Variants in ALCAM observed in about 807,000 individuals in gnomAD.
ALCAM encodes the protein CD166 antigen.
In ALCAM, 30 loss-of-function variants were observed where a neutral mutation model predicts 70.9. The ratio of observed to expected loss-of-function variants is 0.42; its 90% CI spans 0.32 to 0.57. ALCAM has a LOEUF of 0.57. Among genes scored for constraint, ALCAM ranks in the 20% least tolerant of loss-of-function variants. ALCAM has a pLI of 0.11. For missense variants in ALCAM, 591 were observed against 695.1 expected (o/e 0.85, Z 1.68); for synonymous variants, 249 against 242.5 (o/e 1.03, Z -0.25).
At chr3:105,493,198 T>A (rs1212601569) in intron 1 of ALCAM, among the ~76,000 whole-genome samples, 1 of 152,172 alleles carries the variant, frequency 6.6e-6, no homozygotes, top group East Asian at 1.9e-4. Flanking sequence ...TAATTTGGTC[T>A]CTCAGTTCTC....
chr3:105,374,574 T>C (rs765796526), intron 1 of ALCAM, among the ~76,000 whole-genome samples: 6 of 152,158 alleles, frequency 3.9e-5, no homozygotes, highest in Non-Finnish European at 8.8e-5. Flanking sequence ...TGGAGTGCAA[T>C]GGTGCGATCT....
chr3:105,547,414 A>G lies in ALCAM; in HGVS notation c.1265A>G (p.Lys422Arg), dbSNP rs201673305. 60 of 1,607,008 alleles carry G rather than the reference A, an allele frequency of 3.7e-5. No individual in the cohort carries two copies. Among genetic ancestry groups the G allele is most frequent in the Non-Finnish European group, 4.3e-5 (51 of 1,176,786 alleles). ...VEGKPQIKMTKKTDPSGLSKT... is the reference protein window; with the variant it reads ...VEGKPQIKMTRKTDPSGLSKT... Reference sequence around the variant, plus strand: ...GGCAAACCTCAAATAAAAATGACAAAGAAAACTGATCCCAGTGGACTATCT... The same window carrying G: ...GGCAAACCTCAAATAAAAATGACAAGGAAAACTGATCCCAGTGGACTATCT... The change falls in exon 11 of 16, where the codon AAG becomes AGG. Residue 422 changes from lysine (K) to arginine (R), a missense_variant. Transcript: ENST00000306107.
intron 1 of ALCAM, among the ~76,000 whole-genome samples, chr3:105,389,032 T>G (rs36183395): frequency 6.6e-6 from 1 of 151,552 alleles, no homozygotes; most frequent in Non-Finnish European, 1.5e-5. Context: ...CTTTGTTGAA[T>G]GAACAAAGTG....
At position 105,547,185 on chromosome 3, in the gene ALCAM, A is replaced by C; in HGVS notation, c.1141A>C (p.Ser381Arg). The C allele has an allele frequency of 6.2e-7, 1 of 1,604,796 alleles. No homozygotes were observed. The highest frequency in any genetic ancestry group is 8.5e-7 in the Non-Finnish European group (1 of 1,175,898). Residue 381 changes from serine (S) to arginine (R), a missense_variant, in exon 10 of 16, where the codon AGT becomes CGT. By Grantham distance (110) the Ser-to-Arg change is moderately radical. This residue lies in a region of ALCAM where 164 missense variants were observed against 244.7 expected (regional missense o/e 0.67). Transcript: ENST00000306107. Reference protein sequence around the residue: ...IRLRSSPSFSSLHYQDAGNYV... With the variant: ...IRLRSSPSFSRLHYQDAGNYV... ...GCTTCGATCTAGCCCGTCATTTTCT[A>C]GTCTTCATTATCAGGATGCTGGAAA...
chr3:105,562,986 A>T (rs1465885974), intron 14 of ALCAM, among the ~76,000 whole-genome samples: 1 of 151,974 alleles, frequency 6.6e-6, no homozygotes, highest in African/African-American at 2.4e-5. Flanking sequence ...TTGTATTTTT[A>T]GTAGAGACGG....
At chr3:105,504,579 T>TGCCTGCCG (rs1939014918) in intron 1 of ALCAM, among the ~76,000 whole-genome samples, 1 of 151,944 alleles carries the variant, frequency 6.6e-6, no homozygotes, top group African/African-American at 2.4e-5. Context: ...GCCCACGGCC[T>TGCCTGCCG]GCCGGCCTGC....
chr3:105,383,998 C>G (rs1935589515), intron 1 of ALCAM, among the ~76,000 whole-genome samples: 1 of 151,602 alleles, frequency 6.6e-6, no homozygotes, highest in Non-Finnish European at 1.5e-5. Context: ...ATTGATCAGT[C>G]ACGCAGGCAG....
chr3:105,540,158 C>T (rs1940079345), intron 7 of ALCAM, 56 bp downstream of exon 7: 11 of 1,548,312 alleles, frequency 7.1e-6, no homozygotes, highest in Non-Finnish European at 9.8e-6. Context: ...TGTTGTTTGA[C>T]TTCTACATGG....
chr3:105,371,489 A>G (rs1057301281), intron 1 of ALCAM, among the ~76,000 whole-genome samples: 1 of 150,446 alleles, frequency 6.6e-6, no homozygotes, highest in Non-Finnish European at 1.5e-5. Context: ...CACTTTTATC[A>G]TTTTATTAAA....
Position 105,502,246 on chromosome 3 carries a change from A to G in ALCAM, c.74-17821A>G, listed in dbSNP as rs193218232. ...AAGGTCACAATGAGGTTAAGATGAA[A>G]CAAGAAACTTGTTTTCTCTAGTCTC... On this transcript the variant is annotated intron_variant, in intron 1 of 15. Transcript: ENST00000306107. Among the ~76,000 whole-genome samples, 6 of 152,330 alleles carry G rather than the reference A, an allele frequency of 3.9e-5. No individual in the cohort carries two copies. The East Asian group carries it at 1.2e-3, about 29-fold the overall frequency.
At position 105,468,149 on chromosome 3, in the gene ALCAM, G is replaced by A. The variant is rs572063332; in HGVS notation, c.74-51918G>A. On this transcript the variant is annotated intron_variant, in intron 1 of 15. Coordinates refer to ENST00000306107, the MANE Select transcript of ALCAM (RefSeq NM_001627.4). ...GGAGCGTCTGATTCAGACTAAACAT[G>A]TACCTGCAAATTAGTCAAGAAATAA... 1.1e-4 allele frequency among the ~76,000 whole-genome samples: 17 copies of A among 151,412 alleles called. No homozygotes were observed. The South Asian group carries it at 3.3e-3, about 30-fold the overall frequency.
At chr3:105,515,064 CAT>C (rs1424212993) in intron 1 of ALCAM, among the ~76,000 whole-genome samples, 2 of 151,834 alleles carry the variant, frequency 1.3e-5, no homozygotes, top group Non-Finnish European at 2.9e-5. Flanking sequence ...CACACACACA[CAT>C]GCACAAATGC....
chr3:105,511,319 A>T (rs773649899), intron 1 of ALCAM, among the ~76,000 whole-genome samples: 1 of 152,018 alleles, frequency 6.6e-6, no homozygotes, highest in African/African-American at 2.4e-5. Flanking sequence ...CAGATAGCAG[A>T]TTATACTGAT....
intron 1 of ALCAM, among the ~76,000 whole-genome samples, chr3:105,409,547 G>A (rs1049716634): frequency 6.6e-6 from 1 of 152,054 alleles, no homozygotes; most frequent in African/African-American, 2.4e-5. Context: ...GGACTTTGGT[G>A]ACTCAGGAGA....
At chr3:105,506,555 G>T (rs977722908) in intron 1 of ALCAM, among the ~76,000 whole-genome samples, 10 of 152,118 alleles carry the variant, frequency 6.6e-5, no homozygotes, top group African/African-American at 2.4e-4. Flanking sequence ...GACTCTTACA[G>T]CTCGTCTTTA....
chr3:105,545,133 A>T, intron 8 of ALCAM, 90 bp from the exon 9 acceptor site: 2 of 880,252 alleles, frequency 2.3e-6, no homozygotes, highest in South Asian at 2.7e-5. Context: ...GTTAGAAGAA[A>T]TTTATTTTCT....
chr3:105,469,008 TCA>T (rs1339966021), intron 1 of ALCAM, among the ~76,000 whole-genome samples: 1 of 27,108 alleles, frequency 3.7e-5, no homozygotes, highest in East Asian at 0.013. Context: ...TTTGAACTGG[TCA>T]TTTTGGTCAT....
chr3:105,571,869 T>C lies in ALCAM; in HGVS notation c.1682T>C (p.Val561Ala), dbSNP rs1415806759. 1 of 1,612,514 alleles carries C rather than the reference T, an allele frequency of 6.2e-7. No homozygotes were observed. The change falls in exon 15 of 16, where the codon GTA becomes GCA. Residue 561 changes from valine to alanine, a missense_variant. Val to Ala is a moderately conservative substitution (Grantham distance 64). Transcript: ENST00000306107. ...TCTTACAGGACTGCATCAAAACATG[T>C]AAACAAGGACCTCGGTAATATGGAA... ...MKKSKTASKHVNKDLGNMEEN... is the reference protein window; with the variant it reads ...MKKSKTASKHANKDLGNMEEN...
chr3:105,420,879 G>A (rs1057382205), intron 1 of ALCAM, among the ~76,000 whole-genome samples: 1 of 151,414 alleles, frequency 6.6e-6, no homozygotes, highest in Non-Finnish European at 1.5e-5. Context: ...ACTGAAGAGA[G>A]GAAAGTAAAA....
Sources: gnomAD v4.1 joint callset for allele counts (sites outside exome capture counted in the v4.1 genomes callset) on GRCh38, gnomAD v4.1.1 for gene constraint, gnomAD v4.1.1 regional missense constraint, MANE v1.5 for transcripts, NCBI Gene and HGNC (gene_info 2026-07-23, HGNC 2026-07-21) for gene names.